Variants in TIMELESS observed in about 807,000 individuals in gnomAD.
TIMELESS encodes the protein protein timeless homolog.
Under a neutral mutation model 164.3 loss-of-function variants are expected in TIMELESS, and 124 were observed. That is an observed-to-expected ratio of 0.75 (90% CI 0.65 to 0.88). TIMELESS has a LOEUF of 0.88. Among genes scored for constraint, TIMELESS ranks in the 40% least tolerant of loss-of-function variants. TIMELESS has a pLI of 0.00. For synonymous variants in TIMELESS, 564 were observed against 563.4 expected (o/e 1.00, Z -0.02); for missense variants, 1,422 against 1,491.4 (o/e 0.95, Z 0.77).
At chr12:56,425,861 C>T (rs1001937423) in intron 13 of TIMELESS, among the ~76,000 whole-genome samples, 2 of 151,364 alleles carry the variant, frequency 1.3e-5, no homozygotes, top group Non-Finnish European at 2.9e-5. Flanking sequence ...GGTAACAGAG[C>T]GAGACCCTGC....
rs761119399 is a variant in TIMELESS at position 56,428,966 on chromosome 12, G to A, written c.1221C>T (p.Thr407=). 1.9e-6 allele frequency: 3 copies of A among 1,614,182 alleles called. No individual in the cohort carries two copies. The highest frequency in any genetic ancestry group is 2.5e-6 in the Non-Finnish European group (3 of 1,180,034). Reference sequence around the variant, plus strand: ...TGAGGTTCTGCTCAATGAAGTGGAAGGTACGGACACTGAGGGTCTCAGAAA... The same window carrying A: ...TGAGGTTCTGCTCAATGAAGTGGAAAGTACGGACACTGAGGGTCTCAGAAA... The part of the protein sequence containing the change: ...GLVSETLSVR[T]FHFIEQNLTN... Residue 407 remains threonine, a synonymous_variant, in exon 11 of 29, where the codon ACC becomes ACT. Coordinates refer to ENST00000553532, the MANE Select transcript of TIMELESS (RefSeq NM_003920.5).
At chr12:56,425,698 G>A (rs1289452341) in intron 13 of TIMELESS, among the ~76,000 whole-genome samples, 1 of 151,946 alleles carries the variant, frequency 6.6e-6, no homozygotes, top group African/African-American at 2.4e-5. Flanking sequence ...AACACAGCGA[G>A]ACCCTGTGTC....
intron 11 of TIMELESS, 47 bp from the exon 12 acceptor site, chr12:56,428,699 T>C (rs1198737249): frequency 3.8e-6 from 6 of 1,565,296 alleles, no homozygotes; most frequent in African/African-American, 2.7e-5. Flanking sequence ...CTTAGGGCAA[T>C]GGCCCATGGA....
rs772585310 is a variant in TIMELESS at position 56,432,368 on chromosome 12, C to A, written c.687+1G>T. The A allele has an allele frequency of 1.2e-6, 2 of 1,612,744 alleles. No homozygotes were observed. The highest frequency in any genetic ancestry group is 8.5e-7 in the Non-Finnish European group (1 of 1,178,842). ...ACTCGGGCAATAGGCCAGGGTCTCACCTGGTCACGAAACATAAGGGAGACA... is the reference window on the plus strand; with the variant it reads ...ACTCGGGCAATAGGCCAGGGTCTCAACTGGTCACGAAACATAAGGGAGACA... On this transcript the variant is annotated splice_donor_variant, in intron 7 of 28. Transcript: ENST00000553532. LOFTEE classifies it high-confidence loss of function.
intron 18 of TIMELESS, 83 bp downstream of exon 18, chr12:56,423,191 G>A (rs1019729271): frequency 1.6e-5 from 24 of 1,530,168 alleles, no homozygotes; most frequent in Non-Finnish European, 2.0e-5. Context: ...ACACCTCTCA[G>A]CACCTTCTAT....
chr12:56,439,036 G>C (rs958220597), intron 1 of TIMELESS, among the ~76,000 whole-genome samples: 3 of 151,120 alleles, frequency 2.0e-5, no homozygotes, highest in South Asian at 2.1e-4. Flanking sequence ...CATGGTGGCG[G>C]GCGCCTGTAA....
At chr12:56,423,018 G>A in intron 18 of TIMELESS, 26 bp from the exon 19 acceptor site, 1 of 1,608,348 alleles carries the variant, frequency 6.2e-7, no homozygotes, top group Non-Finnish European at 8.5e-7. Flanking sequence ...GTTACTATGA[G>A]GCCTCTCTGG....
chr12:56,429,994 A>G (rs1881817601), intron 10 of TIMELESS, 111 bp downstream of exon 10: 7 of 1,083,840 alleles, frequency 6.5e-6, no homozygotes, highest in Non-Finnish European at 7.8e-6. Context: ...ACGAGTCCAC[A>G]TTCCAGGGGC....
At chr12:56,444,088 T>C (rs975241535) in intron 1 of TIMELESS, among the ~76,000 whole-genome samples, 3 of 151,950 alleles carry the variant, frequency 2.0e-5, no homozygotes, top group African/African-American at 7.3e-5. Context: ...AGTAGAGACA[T>C]GGTTTCACCA....
chr12:56,421,898 C>T lies in TIMELESS; in HGVS notation c.2642+1G>A, dbSNP rs566330348. 3.1e-6 allele frequency: 5 copies of T among 1,614,086 alleles called. No individual in the cohort carries two copies. Among genetic ancestry groups the T allele is most frequent in the Admixed American group, 3.3e-5 (2 of 60,020 alleles). ...AGCCTCCAGAGCATGTGCCTCTCTACCTTTGGAAGTCCTTGACACTGTCAG... is the reference window on the plus strand; with the variant it reads ...AGCCTCCAGAGCATGTGCCTCTCTATCTTTGGAAGTCCTTGACACTGTCAG... On this transcript the variant is annotated splice_donor_variant, in intron 21 of 28. Coordinates refer to ENST00000553532, the MANE Select transcript of TIMELESS (RefSeq NM_003920.5). LOFTEE classifies it high-confidence loss of function.
chr12:56,436,018 G>A (rs1271937948), intron 1 of TIMELESS, among the ~76,000 whole-genome samples: 1 of 150,064 alleles, frequency 6.7e-6, no homozygotes, highest in African/African-American at 2.4e-5. Flanking sequence ...TACAGTATAT[G>A]ATATAATCTC....
intron 1 of TIMELESS, among the ~76,000 whole-genome samples, chr12:56,444,609 C>T (rs566609444): frequency 7.9e-5 from 12 of 151,280 alleles, no homozygotes; most frequent in African/African-American, 2.2e-4. Context: ...TGCAGTGGTG[C>T]GATCTCGGCT....
chr12:56,420,048 A>ATATGTGTGTG (rs1473074484), intron 26 of TIMELESS, among the ~76,000 whole-genome samples: 3 of 87,332 alleles, frequency 3.4e-5, no homozygotes, highest in South Asian at 4.1e-4. Flanking sequence ...ATATATATAT[A>ATATGTGTGTG]TGTGTGTGTG....
intron 6 of TIMELESS, among the ~76,000 whole-genome samples, 188 bp from the exon 7 acceptor site, chr12:56,432,712 A>G (rs1881931599): frequency 6.6e-6 from 1 of 152,088 alleles, no homozygotes. Flanking sequence ...TGGGAGGCCA[A>G]AGTGGGTGGA....
rs1055650949 is a variant in TIMELESS at position 56,449,380 on chromosome 12, C to G, written c.-132G>C. ...CTGGCGCGGGGCCGCAGCCTTTCCG[C>G]CACCAGGCTCAGCTGGACCGGTCCC... On this transcript the variant is annotated 5_prime_UTR_variant, in exon 1 of 29. Transcript: ENST00000553532. 6.6e-6 allele frequency: 1 copy of G among 152,284 alleles called. No homozygotes were observed. The highest frequency in any genetic ancestry group is 2.1e-4 in the South Asian group (1 of 4,836). The allele number at this position is 152,284 out of a possible 1,614,324, so 9.4% of individuals were successfully genotyped here.
Position 56,441,279 on chromosome 12 carries a change from A to G in TIMELESS, c.-61-7048T>C, listed in dbSNP as rs190711482. Among the ~76,000 whole-genome samples, 386 of 152,342 alleles carry G rather than the reference A, an allele frequency of 2.5e-3. 3 individuals are homozygous for G. Among genetic ancestry groups the G allele is most frequent in the African/African-American group, 8.8e-3 (365 of 41,576 alleles). ...AATCTACCTGGTCCTTTACCAAGAC[A>G]GTTTGAGAAGCAGTGATATTAAGCA... On this transcript the variant is annotated intron_variant, in intron 1 of 28. Coordinates refer to ENST00000553532, the MANE Select transcript of TIMELESS (RefSeq NM_003920.5).
chr12:56,423,714 A>C lies in TIMELESS; in HGVS notation c.1967-7T>G. On this transcript the variant is annotated splice_region_variant and splice_polypyrimidine_tract_variant and intron_variant, in intron 16 of 28. Transcript: ENST00000553532. Reference sequence around the variant, plus strand: ...TCCTCTGGGCCCTGCTGCCCTATAGACAGAGGGAGGATTACTGAGTCTCTG... The same window carrying C: ...TCCTCTGGGCCCTGCTGCCCTATAGCCAGAGGGAGGATTACTGAGTCTCTG... 1 of 1,613,860 alleles carries C rather than the reference A, an allele frequency of 6.2e-7. No homozygotes were observed. Among genetic ancestry groups the C allele is most frequent in the Non-Finnish European group, 8.5e-7 (1 of 1,179,956 alleles).
intron 13 of TIMELESS, among the ~76,000 whole-genome samples, chr12:56,426,272 G>A (rs1881675040): frequency 6.6e-6 from 1 of 151,956 alleles, no homozygotes; most frequent in South Asian, 2.1e-4. Context: ...AGCTCTGAGT[G>A]CAAAAATACC....
intron 10 of TIMELESS, 137 bp from the exon 11 acceptor site, chr12:56,429,237 T>C (rs1881787382): frequency 1.4e-6 from 1 of 734,112 alleles, no homozygotes; most frequent in East Asian, 2.8e-5. Context: ...CTCACTCTAT[T>C]GCCCAGGCTG....
Sources: gnomAD v4.1 joint callset for allele counts (sites outside exome capture counted in the v4.1 genomes callset) on GRCh38, gnomAD v4.1.1 for gene constraint, MANE v1.5 for transcripts, NCBI Gene and HGNC (gene_info 2026-07-23, HGNC 2026-07-21) for gene names.